TMIE: variants seen among roughly 807,000 people sequenced by gnomAD.
TMIE encodes the protein transmembrane inner ear.
TMIE carries 14 observed loss-of-function variants against 16.8 expected under a neutral mutation model. That is an observed-to-expected ratio of 0.83 (90% CI 0.55 to 1.30). TMIE has a LOEUF of 1.30. Ranked by LOEUF, TMIE falls within the 50% of genes most tolerant of loss-of-function variation. The pLI is 0.00. For missense variants in TMIE, 204 were observed against 205.9 expected (o/e 0.99, Z 0.06); for synonymous variants, 75 against 87.2 (o/e 0.86, Z 0.78).
chr3:46,704,387 G>A (rs565924896), intron 1 of TMIE, among the ~76,000 whole-genome samples: 10 of 148,884 alleles, frequency 6.7e-5, no homozygotes, highest in Non-Finnish European at 1.3e-4. Flanking sequence ...GACACTCAGG[G>A]TGGACTATGT....
intron 3 of TMIE, 39 bp from the exon 4 acceptor site, chr3:46,709,538 GTC>G (rs1484389483): frequency 3.8e-5 from 62 of 1,613,842 alleles, no homozygotes; most frequent in Non-Finnish European, 5.1e-5. Context: ...CCAGGACCTT[GTC>G]TCACCACTAT....
chr3:46,709,653 A>T lies in TMIE; in HGVS notation c.436A>T (p.Lys146Ter). Residue 146 changes from lysine (K) to a stop codon, truncating the protein, a stop_gained, in exon 4 of 4, where the codon AAG becomes TAG. Transcript: ENST00000643606. LOFTEE classifies it high-confidence loss of function. The part of the protein sequence containing the change: ...TVAIKVEEDE[K>*]NEAKKKKGEK ...GGCCATCAAAGTAGAGGAGGATGAG[A>T]AGAATGAGGCCAAGAAGAAGAAAGG... is the stretch of plus-strand genomic sequence containing the variant. The T allele has an allele frequency of 6.2e-7, 1 of 1,613,980 alleles. No individual in the cohort carries two copies. Among genetic ancestry groups the T allele is most frequent in the Non-Finnish European group, 8.5e-7 (1 of 1,179,970 alleles).
chr3:46,695,503 A>G (rs1700396030), intron 1 of TMIE, among the ~76,000 whole-genome samples: 1 of 152,120 alleles, frequency 6.6e-6, no homozygotes, highest in Non-Finnish European at 1.5e-5. Flanking sequence ...TAGAGGATCT[A>G]TGGGTCCCCT....
Position 46,709,774 on chromosome 3 carries a change from G to C in TMIE, c.*86G>C. ...GCATGTTGGACTCTGAGCTCATTTG[G>C]GGACCACAGAGGCTGTGGTCAGAGA... On this transcript the variant is annotated 3_prime_UTR_variant, in exon 4 of 4. Transcript: ENST00000643606. The C allele has an allele frequency of 6.3e-7, 1 of 1,594,828 alleles. No homozygotes were observed. Among genetic ancestry groups the C allele is most frequent in the East Asian group, 2.3e-5 (1 of 44,342 alleles).
chr3:46,704,096 T>G (rs1393323679), intron 1 of TMIE, among the ~76,000 whole-genome samples: 5 of 152,082 alleles, frequency 3.3e-5, no homozygotes, highest in Non-Finnish European at 5.9e-5. Flanking sequence ...TAGGCAGGAC[T>G]GTGTCCCCTA....
chr3:46,709,816 T>C lies in TMIE; in HGVS notation c.*128T>C, dbSNP rs1700598786. On this transcript the variant is annotated 3_prime_UTR_variant, in exon 4 of 4. Coordinates refer to ENST00000643606, the MANE Select transcript of TMIE (RefSeq NM_147196.3). ...GGTCAGAGAGGGAAGCTGAGGCCCATGGCCACATCCTCATGGCCCATCAGG... is the reference window on the plus strand; with the variant it reads ...GGTCAGAGAGGGAAGCTGAGGCCCACGGCCACATCCTCATGGCCCATCAGG... The C allele has an allele frequency of 1.3e-6, 2 of 1,549,894 alleles. No homozygotes were observed. Among genetic ancestry groups the C allele is most frequent in the Admixed American group, 2.0e-5 (1 of 51,100 alleles).
intron 3 of TMIE, 126 bp from the exon 4 acceptor site, chr3:46,709,453 T>C (rs988785974): frequency 6.0e-5 from 97 of 1,607,244 alleles, no homozygotes; most frequent in African/African-American, 8.0e-5. Flanking sequence ...ATGAGCCTAT[T>C]CTCCAGTAGG....
At position 46,710,454 on chromosome 3, in the gene TMIE, C is replaced by G. The variant is rs1189455234; in HGVS notation, c.*766C>G. The G allele has an allele frequency of 6.5e-6, 1 of 152,762 alleles. No individual in the cohort carries two copies. Among genetic ancestry groups the G allele is most frequent in the Non-Finnish European group, 1.5e-5 (1 of 68,500 alleles). The allele number at this position is 152,762 out of a possible 1,614,324, so 9.5% of individuals were successfully genotyped here. A position where few individuals can be genotyped will look rare whatever the true frequency, so the allele number is the denominator to read the frequency against. ...CTAAGGCCAATGGGCTAGAGGGTGC[C>G]GGAAAGAGAGCTGGAGTCTGGGCTC... On this transcript the variant is annotated 3_prime_UTR_variant, in exon 4 of 4. Transcript: ENST00000643606.
intron 1 of TMIE, among the ~76,000 whole-genome samples, chr3:46,695,079 C>A (rs779185066): frequency 2.0e-5 from 3 of 152,186 alleles, no homozygotes; most frequent in Non-Finnish European, 4.4e-5. Context: ...ATGCCCTCCA[C>A]CCCCAGGCTC....
upstream of TMIE, among the ~76,000 whole-genome samples, chr3:46,699,883 G>A (rs1700449559): frequency 6.6e-6 from 1 of 152,188 alleles, no homozygotes; most frequent in Admixed American, 6.5e-5. Flanking sequence ...AATCATGGGA[G>A]TCTCACCCTC....
intron 2 of TMIE, among the ~76,000 whole-genome samples, chr3:46,707,287 G>A (rs915287181): frequency 1.3e-5 from 2 of 152,242 alleles, no homozygotes; most frequent in Non-Finnish European, 2.9e-5. Context: ...CACAACAAAG[G>A]TGCCTGGGGC....
intron 2 of TMIE, 144 bp downstream of exon 2, chr3:46,706,051 C>T: frequency 2.3e-6 from 2 of 861,346 alleles, no homozygotes; most frequent in South Asian, 2.7e-5. Flanking sequence ...TCTGGCACCT[C>T]CTGATCCACA....
rs564589241 is a variant in TMIE, at chr3:46,704,253, T to A, written c.94-1537T>A. ...GGACCATGTCCCTAGACACCCAGGGTGGACCATGTCCCCTAGACACCCAGG... is the reference window on the plus strand; with the variant it reads ...GGACCATGTCCCTAGACACCCAGGGAGGACCATGTCCCCTAGACACCCAGG... On this transcript the variant is annotated intron_variant, in intron 1 of 3. Coordinates refer to ENST00000643606, the MANE Select transcript of TMIE (RefSeq NM_147196.3). Among the ~76,000 whole-genome samples, 956 of 109,584 alleles carry A rather than the reference T, an allele frequency of 8.7e-3. 13 individuals are homozygous for A. Among genetic ancestry groups the A allele is most frequent in the African/African-American group, 0.032 (880 of 27,880 alleles). The allele number at this position is 109,584 out of a possible 152,430, so 71.9% of individuals were successfully genotyped here.
upstream of TMIE, among the ~76,000 whole-genome samples, chr3:46,698,369 T>C (rs1486076591): frequency 6.6e-6 from 1 of 151,930 alleles, no homozygotes; most frequent in East Asian, 1.9e-4. Context: ...TACAGTGTAG[T>C]ATCACACAGC....
chr3:46,700,891 G>A (rs1023406197), upstream of TMIE, among the ~76,000 whole-genome samples: 6 of 152,020 alleles, frequency 3.9e-5, no homozygotes, highest in African/African-American at 1.4e-4. Context: ...TAACACTGCC[G>A]GCTGGCAGCT....
chr3:46,708,750 G>A (rs532341230), intron 2 of TMIE, among the ~76,000 whole-genome samples: 12 of 152,300 alleles, frequency 7.9e-5, no homozygotes, highest in Middle Eastern at 3.4e-3. Context: ...TTGCACACCC[G>A]GAGGCCTGGG....
chr3:46,705,761 AAC>A (rs1179636185), intron 1 of TMIE, 27 bp from the exon 2 acceptor site: 1 of 1,606,380 alleles, frequency 6.2e-7, no homozygotes, highest in Admixed American at 1.7e-5. Context: ...GCCTCTGCCT[AAC>A]TCACTCCCCT....
chr3:46,706,636 C>T (rs1700555984), intron 2 of TMIE, among the ~76,000 whole-genome samples: 1 of 152,096 alleles, frequency 6.6e-6, no homozygotes, highest in Non-Finnish European at 1.5e-5. Flanking sequence ...GGAGAAGCAG[C>T]CCACTCCCCT....
rs1255550745 is a variant in TMIE at position 46,701,882 on chromosome 3, TG to T, written c.93+303del. ...CCAGCCTGACTTGGGGACACAGCCC[TG>T]CCCAGACTGATGGGGGATACTGGGC... is the stretch of plus-strand genomic sequence containing the variant. On this transcript the variant is annotated intron_variant, in intron 1 of 3. Transcript: ENST00000643606. The surrounding 1 kb of genome is among the most constrained non-coding windows in gnomAD (Gnocchi z 4.3). 2.0e-5 allele frequency among the ~76,000 whole-genome samples: 3 copies of T among 152,128 alleles called. No individual in the cohort carries two copies. Among genetic ancestry groups the T allele is most frequent in the African/African-American group, 7.2e-5 (3 of 41,434 alleles).
Sources: allele counts gnomAD v4.1 joint callset (sites outside exome capture counted in the v4.1 genomes callset), GRCh38; gene constraint gnomAD v4.1.1; non-coding constraint Gnocchi (gnomAD v3.1); transcripts MANE v1.5; gene names NCBI Gene and HGNC (gene_info 2026-07-23, HGNC 2026-07-21).